BICC1: variants seen among roughly 807,000 people sequenced by gnomAD.
BICC1 encodes protein bicaudal C homolog 1.
A neutral mutation model predicts 111.0 loss-of-function variants in BICC1; 43 were observed. The observed-to-expected ratio is 0.39, with a 90% CI of 0.30 to 0.50. BICC1 has a LOEUF of 0.50. Ranked by LOEUF, BICC1 falls within the 20% of genes least tolerant of loss-of-function variation. BICC1 has a pLI of 0.88. For missense variants in BICC1, 1,091 were observed against 1,203.2 expected, an observed-to-expected ratio of 0.91 and a Z score of 1.38; for synonymous variants, 467 against 434.4, an observed-to-expected ratio of 1.07 and a Z score of -0.93.
At chr10:58,649,537 G>T (rs1050674782) in intron 2 of BICC1, among the ~76,000 whole-genome samples, 12 of 152,060 alleles carry the variant, frequency 7.9e-5, no homozygotes, top group African/African-American at 2.4e-4. Flanking sequence ...AACCCTCATG[G>T]GTGTCTTTTA....
chr10:58,718,439 G>A (rs566716864), intron 3 of BICC1, among the ~76,000 whole-genome samples: 2 of 152,216 alleles, frequency 1.3e-5, no homozygotes, highest in East Asian at 1.9e-4. Flanking sequence ...GGAATTTTGT[G>A]GGCATATAAA....
chr10:58,538,745 A>G (rs1313748802), intron 1 of BICC1, among the ~76,000 whole-genome samples: 1 of 151,300 alleles, frequency 6.6e-6, no homozygotes, highest in South Asian at 2.1e-4. Context: ...GAAAAAACAA[A>G]TAATCCCATT....
At chr10:58,620,187 T>G (rs1845756068) in intron 1 of BICC1, among the ~76,000 whole-genome samples, 1 of 152,196 alleles carries the variant, frequency 6.6e-6, no homozygotes, top group Admixed American at 6.5e-5. Flanking sequence ...GTCACAAGAC[T>G]TATGAACACA....
rs564725828 is a variant in BICC1, at chr10:58,803,101, C to A, written c.2040C>A (p.Asp680Glu). The change falls in exon 15 of 21, where the codon GAC becomes GAA. Residue 680 changes from aspartate (D) to glutamate (E), a missense_variant. Coordinates refer to ENST00000373886, the MANE Select transcript of BICC1 (RefSeq NM_001080512.3). ...GCAGCACTGACAGGTTGCTCTCAGA[C>A]CCTGAACTGAGTGCTACCGAAAGCC... The part of the protein sequence containing the change: ...HLHSTDRLLS[D>E]PELSATESPL... 1.2e-6 allele frequency: 2 copies of A among 1,607,638 alleles called. No homozygotes were observed. The highest frequency in any genetic ancestry group is 1.3e-5 in the African/African-American group (1 of 74,964).
chr10:58,521,327 A>G (rs1842380711), intron 1 of BICC1, among the ~76,000 whole-genome samples: 2 of 152,104 alleles, frequency 1.3e-5, no homozygotes, highest in African/African-American at 2.4e-5. Flanking sequence ...GAAATACTGT[A>G]TCCACAAGTG....
chr10:58,600,052 T>C (rs954585647), intron 1 of BICC1, among the ~76,000 whole-genome samples: 1 of 152,072 alleles, frequency 6.6e-6, no homozygotes, highest in Non-Finnish European at 1.5e-5. Flanking sequence ...TGCATCCCAC[T>C]GATGCTCACG....
At chr10:58,799,337 G>A in intron 12 of BICC1, 85 bp downstream of exon 12, 3 of 1,011,208 alleles carry the variant, frequency 3.0e-6, no homozygotes, top group Non-Finnish European at 2.8e-6. Flanking sequence ...ATGCTAGAAT[G>A]TGTGTGTGTG....
intron 3 of BICC1, among the ~76,000 whole-genome samples, chr10:58,750,210 G>C (rs1841947225): frequency 6.6e-6 from 1 of 152,150 alleles, no homozygotes; most frequent in South Asian, 2.1e-4. Context: ...TAGCGAGTGA[G>C]AGAGAAGACT....
upstream of BICC1, among the ~76,000 whole-genome samples, chr10:58,512,813 G>A (rs1445381624): frequency 6.7e-6 from 1 of 150,286 alleles, no homozygotes; most frequent in Non-Finnish European, 1.5e-5. Flanking sequence ...TGTAGGGGCG[G>A]CGGGCGGGGA....
chr10:58,646,610 T>A (rs186127050), intron 2 of BICC1, among the ~76,000 whole-genome samples: 48 of 152,286 alleles, frequency 3.2e-4, no homozygotes, highest in African/African-American at 1.1e-3. Context: ...GTCTGGAACA[T>A]TTTGATTGAG....
At chr10:58,709,945 C>G (rs540041688) in intron 3 of BICC1, among the ~76,000 whole-genome samples, 1 of 152,146 alleles carries the variant, frequency 6.6e-6, no homozygotes, top group Non-Finnish European at 1.5e-5. Flanking sequence ...TAACAAGACA[C>G]AGCCTCCTGG....
intron 1 of BICC1, among the ~76,000 whole-genome samples, chr10:58,583,446 A>G (rs1305961851): frequency 2.0e-5 from 3 of 151,666 alleles, no homozygotes; most frequent in African/African-American, 7.3e-5. Flanking sequence ...GCTCCCACTT[A>G]TAAGTGAGAA....
At chr10:58,553,402 G>T (rs1843352223) in intron 1 of BICC1, among the ~76,000 whole-genome samples, 1 of 152,158 alleles carries the variant, frequency 6.6e-6, no homozygotes, top group Non-Finnish European at 1.5e-5. Context: ...GAAGGAAGCT[G>T]CAAGGAATGT....
chr10:58,742,667 A>C (rs1268134400), intron 3 of BICC1, among the ~76,000 whole-genome samples: 1 of 151,774 alleles, frequency 6.6e-6, no homozygotes, highest in African/African-American at 2.4e-5. Context: ...TGAACTCCTG[A>C]CCTCAAGTGA....
chr10:58,536,755 A>G (rs1300245683), intron 1 of BICC1, among the ~76,000 whole-genome samples: 1 of 151,828 alleles, frequency 6.6e-6, no homozygotes, highest in Non-Finnish European at 1.5e-5. Context: ...AAATCAATGA[A>G]ACAAAAGCTA....
At chr10:58,529,430 CAGA>C (rs1407792846) in intron 1 of BICC1, among the ~76,000 whole-genome samples, 1 of 151,950 alleles carries the variant, frequency 6.6e-6, no homozygotes. Context: ...TTATTCTGCG[CAGA>C]AGACCACTAA....
At chr10:58,784,531 G>T (rs995820767) in intron 3 of BICC1, among the ~76,000 whole-genome samples, 2 of 152,150 alleles carry the variant, frequency 1.3e-5, no homozygotes, top group African/African-American at 2.4e-5. Context: ...AAGCTTCTGA[G>T]TGGTTTTCTG....
intron 1 of BICC1, among the ~76,000 whole-genome samples, chr10:58,522,749 A>G (rs1842425628): frequency 1.3e-5 from 2 of 152,168 alleles, no homozygotes; most frequent in African/African-American, 2.4e-5. Flanking sequence ...CCTTCAAAAA[A>G]TCAGTGAATC....
At chr10:58,539,556 A>C (rs994049258) in intron 1 of BICC1, among the ~76,000 whole-genome samples, 13 of 151,860 alleles carry the variant, frequency 8.6e-5, no homozygotes, top group African/African-American at 3.1e-4. Context: ...TTTTTGAAGT[A>C]CATTATGTAA....
Sources: allele counts gnomAD v4.1 joint callset (sites outside exome capture counted in the v4.1 genomes callset), GRCh38; gene constraint gnomAD v4.1.1; transcripts MANE v1.5; gene names NCBI Gene and HGNC (gene_info 2026-07-23, HGNC 2026-07-21).